HDAC9: variants seen among roughly 807,000 people sequenced by gnomAD.
The protein encoded by HDAC9 is histone deacetylase 9.
Under a neutral mutation model 139.4 loss-of-function variants are expected in HDAC9, and 41 were observed. The ratio of observed to expected loss-of-function variants is 0.29; its 90% CI spans 0.23 to 0.38. HDAC9 has a LOEUF of 0.38. HDAC9 is among the 10% of genes least tolerant of loss of function. The pLI is 1.00. For missense variants in HDAC9, 1,147 were observed against 1,297.0 expected, an observed-to-expected ratio of 0.88 and a Z score of 1.78; for synonymous variants, 517 against 476.2, an observed-to-expected ratio of 1.09 and a Z score of -1.12.
chr7:18,644,751 C>T lies in HDAC9; in HGVS notation c.993C>T (p.Pro331=). 6.2e-7 allele frequency: 1 copy of T among 1,611,976 alleles called. No individual in the cohort carries two copies. Among genetic ancestry groups the T allele is most frequent in the Non-Finnish European group, 8.5e-7 (1 of 1,178,846 alleles). ...GTCTTTATACCTCTCCTTCTTTGCC[C>T]AACATTACCTTGGGGCTTCCCGCAG... ...LLSLYTSPSL[P]NITLGLPAVP... The change falls in exon 9 of 26, where the codon CCC becomes CCT. Residue 331 remains proline (P), a synonymous_variant. Transcript: ENST00000686413.
intron 1 of HDAC9, among the ~76,000 whole-genome samples, chr7:18,137,078 A>G (rs1418116093): frequency 1.4e-5 from 2 of 145,084 alleles, no homozygotes; most frequent in Non-Finnish European, 3.0e-5. Context: ...TGTGAATGGG[A>G]GTTCACTCAT....
rs544054089 is a variant in HDAC9, at chr7:18,560,082, AT to A, written c.23-25192del. On this transcript the variant is annotated intron_variant, in intron 2 of 25. Transcript: ENST00000686413. ...GTCATGTTTCTCTTTCCAAGAGGCA[AT>A]TTTTTTATTATTTTTAAGATTCTTA... 4.5e-4 allele frequency among the ~76,000 whole-genome samples: 69 copies of A among 152,148 alleles called. 1 individual carries two copies. The highest frequency in any genetic ancestry group is 3.4e-3 in the Middle Eastern group (1 of 292).
intron 2 of HDAC9, among the ~76,000 whole-genome samples, chr7:18,223,310 G>A (rs138094217): frequency 1.3e-5 from 2 of 151,564 alleles, no homozygotes; most frequent in East Asian, 3.9e-4. Flanking sequence ...CCTAAAAGTT[G>A]ACATATTTAC....
At chr7:18,327,914 A>G (rs752825747) in intron 1 of HDAC9, among the ~76,000 whole-genome samples, 1 of 151,928 alleles carries the variant, frequency 6.6e-6, no homozygotes, top group East Asian at 1.9e-4. Context: ...GCTCCTTTGT[A>G]AAAGAGGATG....
At chr7:18,372,205 C>A (rs73682166) in intron 1 of HDAC9, among the ~76,000 whole-genome samples, 1 of 152,160 alleles carries the variant, frequency 6.6e-6, no homozygotes, top group Non-Finnish European at 1.5e-5. Flanking sequence ...AAGTTCAAAG[C>A]CACTGAGCTA....
At chr7:18,110,654 C>G (rs574748531) in intron 1 of HDAC9, among the ~76,000 whole-genome samples, 1 of 152,236 alleles carries the variant, frequency 6.6e-6, no homozygotes, top group East Asian at 1.9e-4. Flanking sequence ...GATGGTAGAG[C>G]ACACCTGATA....
intron 2 of HDAC9, among the ~76,000 whole-genome samples, chr7:18,514,950 GATA>G (rs1188185693): frequency 2.6e-5 from 4 of 152,080 alleles, no homozygotes; most frequent in Admixed American, 6.6e-5. Context: ...TGTCTCTAAA[GATA>G]ATAAGAAAAT....
intron 12 of HDAC9, among the ~76,000 whole-genome samples, chr7:18,708,998 A>T (rs1784146558): frequency 6.6e-6 from 1 of 152,162 alleles, no homozygotes; most frequent in Non-Finnish European, 1.5e-5. Flanking sequence ...TATGACTTGA[A>T]ATATTATTCA....
chr7:18,655,384 G>T (rs1176223403), intron 11 of HDAC9, among the ~76,000 whole-genome samples: 1 of 152,044 alleles, frequency 6.6e-6, no homozygotes, highest in East Asian at 1.9e-4. Context: ...ATCTATAGAG[G>T]TTTATAAAAG....
At chr7:18,976,009 G>T (rs1174916268) in intron 25 of HDAC9, 56 bp downstream of exon 25, 2 of 1,550,268 alleles carry the variant, frequency 1.3e-6, no homozygotes, top group South Asian at 1.2e-5. Context: ...GCTCATCGTT[G>T]ATATTTGTGA....
intron 12 of HDAC9, among the ~76,000 whole-genome samples, chr7:18,672,656 C>T (rs543052091): frequency 1.4e-4 from 21 of 152,052 alleles, no homozygotes; most frequent in Middle Eastern, 3.4e-3. Flanking sequence ...TTTACACTTA[C>T]GTTGCCTTCT....
intron 1 of HDAC9, among the ~76,000 whole-genome samples, chr7:18,294,377 A>G (rs944933166): frequency 2.0e-5 from 3 of 152,062 alleles, no homozygotes; most frequent in African/African-American, 7.2e-5. Context: ...GGGGTGTTGT[A>G]TTAATTTAAC....
At chr7:18,661,649 C>T (rs1341953008) in intron 11 of HDAC9, among the ~76,000 whole-genome samples, 3 of 151,824 alleles carry the variant, frequency 2.0e-5, no homozygotes, top group African/African-American at 7.3e-5. Context: ...ATTTTCAAGT[C>T]CAGCATTTTA....
chr7:18,912,351 A>G (rs554904693), intron 22 of HDAC9, among the ~76,000 whole-genome samples: 1 of 152,136 alleles, frequency 6.6e-6, no homozygotes, highest in Non-Finnish European at 1.5e-5. Flanking sequence ...ATAAAATGAG[A>G]TAATATTTTA....
intron 2 of HDAC9, among the ~76,000 whole-genome samples, chr7:18,248,081 ATTTAC>A (rs1473480407): frequency 2.0e-5 from 3 of 152,194 alleles, no homozygotes; most frequent in Admixed American, 1.3e-4. Flanking sequence ...ACAGTGTTTA[ATTTAC>A]TTAAGTACAT....
At chr7:18,408,934 A>G (rs1267283654) in intron 1 of HDAC9, among the ~76,000 whole-genome samples, 1 of 152,234 alleles carries the variant, frequency 6.6e-6, no homozygotes, top group Admixed American at 6.5e-5. Context: ...TAGTGCAAAT[A>G]AAACCCTTCA....
At chr7:18,719,644 T>A (rs1191138513) in intron 12 of HDAC9, among the ~76,000 whole-genome samples, 1 of 152,158 alleles carries the variant, frequency 6.6e-6, no homozygotes, top group Non-Finnish European at 1.5e-5. Flanking sequence ...CTGACTTAAG[T>A]AACCTATTTT....
chr7:18,798,051 T>A (rs910431699), intron 17 of HDAC9, among the ~76,000 whole-genome samples: 2 of 152,140 alleles, frequency 1.3e-5, no homozygotes, highest in African/African-American at 4.8e-5. Context: ...ATATTTTTAT[T>A]CTTCTGCAAG....
intron 5 of HDAC9, among the ~76,000 whole-genome samples, chr7:18,593,110 TTA>T (rs1831453826): frequency 6.6e-6 from 1 of 152,148 alleles, no homozygotes; most frequent in South Asian, 2.1e-4. Flanking sequence ...TTTTTGCCAG[TTA>T]TAGCTAGAAG....
Sources: gnomAD v4.1 joint callset for allele counts (sites outside exome capture counted in the v4.1 genomes callset) on GRCh38, gnomAD v4.1.1 for gene constraint, MANE v1.5 for transcripts, NCBI Gene and HGNC (gene_info 2026-07-23, HGNC 2026-07-21) for gene names.